EHMT1: variants seen among roughly 807,000 people sequenced by gnomAD.
The protein encoded by EHMT1 is histone-lysine N-methyltransferase EHMT1.
In EHMT1, 15 loss-of-function variants were observed where a neutral mutation model predicts 147.2. The observed-to-expected ratio is 0.10, with a 90% CI of 0.07 to 0.16. The LOEUF (loss-of-function observed/expected upper bound fraction) is 0.16. Among genes scored for constraint, EHMT1 ranks in the 10% least tolerant of loss-of-function variants. The pLI is 1.00. For missense variants in EHMT1, 1,587 were observed against 1,772.4 expected (o/e 0.90, Z 1.88); for synonymous variants, 795 against 709.6 (o/e 1.12, Z -1.91).
intron 25 of EHMT1, among the ~76,000 whole-genome samples, chr9:137,833,596 G>A (rs1321645109): frequency 6.6e-6 from 1 of 152,214 alleles, no homozygotes; most frequent in African/African-American, 2.4e-5. Flanking sequence ...GCGTGGTTAG[G>A]TCAGGCCCAC....
Position 137,731,016 on chromosome 9 carries a change from A to G in EHMT1, c.823+2487A>G, listed in dbSNP as rs960256587. Among the ~76,000 whole-genome samples, 6 of 152,248 alleles carry G rather than the reference A, an allele frequency of 3.9e-5. No individual in the cohort carries two copies. Among genetic ancestry groups the G allele is most frequent in the Non-Finnish European group, 4.4e-5 (3 of 68,044 alleles). The stretch of plus-strand genomic sequence containing the variant: ...TGTGAGGACTTAAAAGTAATGTCTG[A>G]AGAGTTGTTAAAGTGTTGAGATTTT... On this transcript the variant is annotated intron_variant, in intron 4 of 26. Transcript: ENST00000460843. This position sits in a 1 kb window ranked among gnomAD's most constrained non-coding sequence, Gnocchi z 4.3.
intron 4 of EHMT1, among the ~76,000 whole-genome samples, chr9:137,734,886 A>C (rs1947404093): frequency 6.6e-6 from 1 of 152,258 alleles, no homozygotes; most frequent in Non-Finnish European, 1.5e-5. Context: ...AGATATTCTC[A>C]GATAAACAAA....
intron 6 of EHMT1, chr9:137,745,771 G>T (rs1440901693): frequency 7.9e-6 from 3 of 381,454 alleles, no homozygotes; most frequent in Non-Finnish European, 1.4e-5. Flanking sequence ...GCTCATAAGT[G>T]CTGTCTGCAT....
rs539983868 is a variant in EHMT1 at position 137,817,934 on chromosome 9, C to T, written c.3462-126C>T. On this transcript the variant is annotated intron_variant, in intron 24 of 26. Coordinates refer to ENST00000460843, the MANE Select transcript of EHMT1 (RefSeq NM_024757.5). The stretch of plus-strand genomic sequence containing the variant: ...TCAACCCTGGGCACACCTCTCTAAA[C>T]ATGTTCCCTGCATGTTCTTCTGGTG... The T allele has an allele frequency of 1.4e-4, 127 of 930,548 alleles. No individual in the cohort carries two copies. In the African/African-American group the frequency reaches 1.7e-3, roughly 12 times the overall value. The allele number at this position is 930,548 out of a possible 1,614,324, so 57.6% of individuals were successfully genotyped here. A position where few individuals can be genotyped will look rare whatever the true frequency, so the allele number is the denominator to read the frequency against.
At chr9:137,834,715 G>T in intron 26 of EHMT1, 58 bp from the exon 27 acceptor site, 1 of 1,612,246 alleles carries the variant, frequency 6.2e-7, no homozygotes, top group Non-Finnish European at 8.5e-7. Context: ...AATTTATCTG[G>T]CTTGTGGGAG....
At chr9:137,698,178 T>C (rs1249000004) in intron 1 of EHMT1, among the ~76,000 whole-genome samples, 1 of 152,174 alleles carries the variant, frequency 6.6e-6, no homozygotes, top group Non-Finnish European at 1.5e-5. Flanking sequence ...TCATTATTAC[T>C]GGTTTGTTGA....
chr9:137,656,953 C>T (rs928571368), intron 1 of EHMT1, among the ~76,000 whole-genome samples: 1 of 152,012 alleles, frequency 6.6e-6, no homozygotes, highest in Non-Finnish European at 1.5e-5. Flanking sequence ...TTTGGCCAGG[C>T]TGGTCTTGAA....
chr9:137,712,379 C>T (rs1038002047), intron 2 of EHMT1, among the ~76,000 whole-genome samples: 3 of 152,200 alleles, frequency 2.0e-5, no homozygotes, highest in African/African-American at 7.2e-5. Context: ...AACTGCTGGA[C>T]CCCCACGGTG....
At chr9:137,803,288 C>G (rs1256810276) in intron 18 of EHMT1, 1 of 1,010,236 alleles carries the variant, frequency 9.9e-7, no homozygotes, top group African/African-American at 1.7e-5. Context: ...GAATTTTCAC[C>G]CAGAAGCCAT....
chr9:137,771,854 C>T (rs936285073), intron 10 of EHMT1, among the ~76,000 whole-genome samples: 1 of 152,112 alleles, frequency 6.6e-6, no homozygotes, highest in Non-Finnish European at 1.5e-5. Context: ...ACAGGGGACC[C>T]CAACTTGGAG....
intron 16 of EHMT1, among the ~76,000 whole-genome samples, chr9:137,797,567 C>T (rs1227324682): frequency 6.6e-6 from 1 of 152,182 alleles, no homozygotes; most frequent in African/African-American, 2.4e-5. Flanking sequence ...ATTAAAGACA[C>T]TTGAAAATTA....
chr9:137,621,363 C>T (rs931733132), intron 1 of EHMT1, among the ~76,000 whole-genome samples: 3 of 152,154 alleles, frequency 2.0e-5, no homozygotes, highest in Non-Finnish European at 4.4e-5. Context: ...AACTTCATTT[C>T]TTTTCCTTGA....
intron 1 of EHMT1, among the ~76,000 whole-genome samples, chr9:137,619,385 C>T (rs1171792651): frequency 6.6e-6 from 1 of 151,828 alleles, no homozygotes; most frequent in Non-Finnish European, 1.5e-5. Flanking sequence ...GCCCGCAAGC[C>T]GGATCTGCGG....
Position 137,635,637 on chromosome 9 carries a change from G to A in EHMT1, c.21+16588G>A, listed in dbSNP as rs547880626. Among the ~76,000 whole-genome samples, 23 of 151,404 alleles carry A rather than the reference G, an allele frequency of 1.5e-4. 1 individual carries two copies. The highest frequency in any genetic ancestry group is 6.3e-4 in the South Asian group (3 of 4,784). On this transcript the variant is annotated intron_variant, in intron 1 of 26. Coordinates refer to ENST00000460843, the MANE Select transcript of EHMT1 (RefSeq NM_024757.5). The stretch of plus-strand genomic sequence containing the variant: ...AGATCGAGACCATCCTGGCTAACAT[G>A]GTGAAACCCCGTCTCTACTAAAAAT...
chr9:137,646,035 T>C (rs1489616270), intron 1 of EHMT1, among the ~76,000 whole-genome samples: 1 of 152,114 alleles, frequency 6.6e-6, no homozygotes, highest in Non-Finnish European at 1.5e-5. Flanking sequence ...CTCAGCTCAC[T>C]GCAGCCTCTG....
chr9:137,671,343 TTACAG>T (rs1479497299), intron 1 of EHMT1, among the ~76,000 whole-genome samples: 1 of 152,068 alleles, frequency 6.6e-6, no homozygotes, highest in Non-Finnish European at 1.5e-5. Flanking sequence ...TGTATTAGCT[TTACAG>T]TAAGAAAAAA....
chr9:137,718,107 G>A (rs572907276), intron 3 of EHMT1, among the ~76,000 whole-genome samples: 40 of 134,182 alleles, frequency 3.0e-4, no homozygotes, highest in Non-Finnish European at 4.1e-4. Flanking sequence ...CGCCCCTCAC[G>A]CACCGTGATG....
intron 16 of EHMT1, among the ~76,000 whole-genome samples, chr9:137,793,808 T>C (rs986891433): frequency 3.9e-5 from 6 of 152,198 alleles, no homozygotes; most frequent in Admixed American, 3.9e-4. Context: ...TCCTGTACGA[T>C]GTGACCGATA....
At chr9:137,774,894 T>G (rs1950850057) in intron 10 of EHMT1, among the ~76,000 whole-genome samples, 2 of 152,170 alleles carry the variant, frequency 1.3e-5, no homozygotes, top group African/African-American at 2.4e-5. Context: ...TGATGGGCGT[T>G]TCCTTCTCTG....
Sources: allele counts gnomAD v4.1 joint callset (sites outside exome capture counted in the v4.1 genomes callset), GRCh38; gene constraint gnomAD v4.1.1; non-coding constraint Gnocchi (gnomAD v3.1); transcripts MANE v1.5; gene names NCBI Gene and HGNC (gene_info 2026-07-23, HGNC 2026-07-21).